HTT: variants seen among roughly 807,000 people sequenced by gnomAD.
The protein encoded by HTT is huntington disease protein.
In HTT, 104 loss-of-function variants were observed where a neutral mutation model predicts 362.3. The observed-to-expected ratio is 0.29, with a 90% CI of 0.24 to 0.34. HTT has a LOEUF of 0.34. Among genes scored for constraint, HTT ranks in the 10% least tolerant of loss-of-function variants. The pLI is 1.00. For synonymous variants in HTT, 1,577 were observed against 1,548.7 expected, an observed-to-expected ratio of 1.02 and a Z score of -0.43; for missense variants, 3,301 against 3,928.6, an observed-to-expected ratio of 0.84 and a Z score of 4.27.
rs142267947 is a variant in HTT at position 3,078,968 on chromosome 4, C to T, written c.263+3880C>T. The stretch of plus-strand genomic sequence containing the variant: ...GCCAGGATGATCTTGATCTCCTGAC[C>T]TCGTCATCCGCCGACCTTGTGATCC... On this transcript the variant is annotated intron_variant, in intron 1 of 66. Coordinates refer to ENST00000355072, the MANE Select transcript of HTT (RefSeq NM_001388492.1). Among the ~76,000 whole-genome samples, 6 of 152,248 alleles carry T rather than the reference C, an allele frequency of 3.9e-5. No individual in the cohort carries two copies. The East Asian group carries it at 9.7e-4, about 25-fold the overall frequency.
intron 24 of HTT, 125 bp from the exon 25 acceptor site, chr4:3,146,672 A>G: frequency 1.2e-6 from 1 of 804,982 alleles, no homozygotes; most frequent in Non-Finnish European, 2.0e-6. Flanking sequence ...TTAAAAATAA[A>G]ACAATTTCTG....
At chr4:3,170,073 G>A (rs1717902440) in intron 29 of HTT, among the ~76,000 whole-genome samples, 1 of 152,082 alleles carries the variant, frequency 6.6e-6, no homozygotes, top group Non-Finnish European at 1.5e-5. Context: ...GATACTCCTC[G>A]TTTTGGGTTG....
chr4:3,233,038 C>T (rs572594803), intron 60 of HTT, 125 bp from the exon 61 acceptor site: 43 of 746,698 alleles, frequency 5.8e-5, no homozygotes, highest in South Asian at 2.2e-4. Flanking sequence ...GGATGGTCTC[C>T]GGCCTGCTGT....
Position 3,149,187 on chromosome 4 carries a change from T to C in HTT, c.3498+980T>C, listed in dbSNP as rs1716754762. Among the ~76,000 whole-genome samples the C allele has an allele frequency of 2.0e-5, 3 of 152,340 alleles. No individual in the cohort carries two copies. In the South Asian group the frequency reaches 6.2e-4, roughly 32 times the overall value. On this transcript the variant is annotated intron_variant, in intron 26 of 66. Coordinates refer to ENST00000355072, the MANE Select transcript of HTT (RefSeq NM_001388492.1). ...GAGCATTTCCATGGTTGTAGAATGT[T>C]CTGCCAATCTCAGGGACAGTTTTGC... is the stretch of plus-strand genomic sequence containing the variant.
chr4:3,191,056 T>C (rs569634889), intron 40 of HTT, among the ~76,000 whole-genome samples: 2 of 152,266 alleles, frequency 1.3e-5, no homozygotes, highest in African/African-American at 4.8e-5. Context: ...GGCTTAGGAG[T>C]CACGATCAAA....
At chr4:3,177,437 C>G in intron 34 of HTT, 50 bp downstream of exon 34, 1 of 1,239,862 alleles carries the variant, frequency 8.1e-7, no homozygotes, top group South Asian at 1.4e-5. Flanking sequence ...TGTGTACTTA[C>G]ATGTAATTTA....
intron 64 of HTT, among the ~76,000 whole-genome samples, chr4:3,236,674 T>A (rs922790644): frequency 6.6e-6 from 1 of 152,104 alleles, no homozygotes; most frequent in Non-Finnish European, 1.5e-5. Flanking sequence ...GTGGTGCCTG[T>A]GAGCAGGGTG....
Position 3,189,074 on chromosome 4 carries a change from G to T in HTT, c.5349G>T (p.Leu1783=). 1 of 1,613,974 alleles carries T rather than the reference G, an allele frequency of 6.2e-7. No homozygotes were observed. Among genetic ancestry groups the T allele is most frequent in the East Asian group, 2.2e-5 (1 of 44,904 alleles). Residue 1783 remains leucine, a synonymous_variant, in exon 40 of 67, where the codon CTG becomes CTT. Transcript: ENST00000355072. ...CQELGTLLMC[L]IHIFKSGMFR... ...AACTAGGCACACTGCTAATGTGTCT[G>T]ATCCACATCTTCAAGTCTGGTAGGT...
intron 38 of HTT, 37 bp downstream of exon 38, chr4:3,186,756 C>A (rs144449383): frequency 4.4e-6 from 7 of 1,593,118 alleles, no homozygotes; most frequent in Non-Finnish European, 6.0e-6. Context: ...TGAATCTGGA[C>A]GGCTTGTTCA....
chr4:3,239,082 A>G, intron 66 of HTT, 104 bp downstream of exon 66: 1 of 1,223,874 alleles, frequency 8.2e-7, no homozygotes, highest in Non-Finnish European at 1.1e-6. Flanking sequence ...AAAACCCCAC[A>G]GATGCCAGGG....
rs754035925 is a variant in HTT, at chr4:3,115,391, C to T, written c.835C>T (p.Gln279Ter). 5.6e-6 allele frequency: 9 copies of T among 1,613,766 alleles called. No individual in the cohort carries two copies. Reference sequence around the variant, plus strand: ...GGCTGGATCAGCAGTGAGCATCTGCCAGCACTCAAGAAGGACACAATATTT... The same window carrying T: ...GGCTGGATCAGCAGTGAGCATCTGCTAGCACTCAAGAAGGACACAATATTT... ...TAAGSAVSICQHSRRTQYFYS... is the reference protein window; with the variant it reads ...TAAGSAVSIC Residue 279 changes from glutamine (Q) to a stop codon, truncating the protein, a stop_gained, in exon 7 of 67, where the codon CAG becomes TAG. Coordinates refer to ENST00000355072, the MANE Select transcript of HTT (RefSeq NM_001388492.1). LOFTEE classifies it high-confidence loss of function.
chr4:3,082,542 C>T (rs7664480), intron 1 of HTT, among the ~76,000 whole-genome samples: 2 of 152,030 alleles, frequency 1.3e-5, no homozygotes, highest in African/African-American at 2.4e-5. Context: ...CAGGGACAGT[C>T]GTTTGGTATC....
intron 23 of HTT, among the ~76,000 whole-genome samples, chr4:3,144,891 CG>C (rs917273710): frequency 3.9e-5 from 6 of 152,056 alleles, no homozygotes. Flanking sequence ...AGTTGAGAGG[CG>C]GAAGGGTGGG....
chr4:3,131,478 C>G, intron 15 of HTT, 81 bp downstream of exon 15: 2 of 1,455,404 alleles, frequency 1.4e-6, no homozygotes, highest in South Asian at 1.1e-5. Flanking sequence ...TTTTGCCTTG[C>G]GTGCAGCAGA....
Position 3,165,888 on chromosome 4 carries a change from C to T in HTT, c.3864+5496C>T, listed in dbSNP as rs373098172. ...TTAGCTCGGAGAAGTTTGTTATTAC[C>T]GACCTTCTGAAGCCTACTTCTGTCA... On this transcript the variant is annotated intron_variant, in intron 29 of 66. Coordinates refer to ENST00000355072, the MANE Select transcript of HTT (RefSeq NM_001388492.1). 2.0e-4 allele frequency among the ~76,000 whole-genome samples: 31 copies of T among 151,952 alleles called. No homozygotes were observed. The East Asian group carries it at 2.7e-3, about 13-fold the overall frequency.
chr4:3,108,038 T>G (rs1714527910), intron 6 of HTT, among the ~76,000 whole-genome samples: 2 of 152,360 alleles, frequency 1.3e-5, no homozygotes, highest in South Asian at 4.1e-4. Flanking sequence ...ATTAGAATTC[T>G]GTCCTCTTTA....
chr4:3,142,575 G>A (rs545091864), intron 22 of HTT, among the ~76,000 whole-genome samples, 191 bp from the exon 23 acceptor site: 2 of 152,288 alleles, frequency 1.3e-5, no homozygotes, highest in East Asian at 3.9e-4. Context: ...GGCAGACTGG[G>A]AGGAAGGGAG....
chr4:3,127,364 A>C lies in HTT; in HGVS notation c.1503A>C (p.Ser501=). The C allele has an allele frequency of 6.2e-7, 1 of 1,614,238 alleles. No individual in the cohort carries two copies. Among genetic ancestry groups the C allele is most frequent in the Non-Finnish European group, 8.5e-7 (1 of 1,180,036 alleles). The change falls in exon 12 of 67, where the codon TCA becomes TCC. Residue 501 remains serine (S), a synonymous_variant. Coordinates refer to ENST00000355072, the MANE Select transcript of HTT (RefSeq NM_001388492.1). ...GHDIITEQPR[S]QHTLQADSVD... is the part of the protein sequence containing the mutation. The stretch of plus-strand genomic sequence containing the variant: ...ACATCATCACAGAACAGCCACGGTC[A>C]CAGCACACACTGCAGGCGGACTCAG...
At chr4:3,211,836 G>T (rs903364348) in intron 47 of HTT, 93 bp from the exon 48 acceptor site, 2 of 891,928 alleles carry the variant, frequency 2.2e-6, no homozygotes, top group Non-Finnish European at 3.6e-6. Flanking sequence ...AGAAACATTT[G>T]CCTTATTCTT....
Sources: gnomAD v4.1 joint callset for allele counts (sites outside exome capture counted in the v4.1 genomes callset) on GRCh38, gnomAD v4.1.1 for gene constraint, MANE v1.5 for transcripts, NCBI Gene and HGNC (gene_info 2026-07-23, HGNC 2026-07-21) for gene names.